Variants in RNF25 observed in about 807,000 individuals in gnomAD.
RNF25 encodes E3 ubiquitin-protein ligase RNF25.
RNF25 carries 32 observed loss-of-function variants against 65.0 expected under a neutral mutation model. That is an observed-to-expected ratio of 0.49 (90% CI 0.37 to 0.66). RNF25 has a LOEUF of 0.66. RNF25 is among the 30% of genes least tolerant of loss of function. RNF25 has a pLI of 0.00. For missense variants in RNF25, 493 were observed against 584.8 expected, an observed-to-expected ratio of 0.84 and a Z score of 1.62; for synonymous variants, 207 against 221.2, an observed-to-expected ratio of 0.94 and a Z score of 0.57.
At chr2:218,667,506 G>A (rs1939846767) in intron 5 of RNF25, among the ~76,000 whole-genome samples, 4 of 151,840 alleles carry the variant, frequency 2.6e-5, no homozygotes, top group African/African-American at 9.7e-5. Context: ...GCCCGCCACC[G>A]TGCCTGGCCA....
intron 5 of RNF25, among the ~76,000 whole-genome samples, chr2:218,667,054 G>A (rs749815896): frequency 2.0e-5 from 3 of 151,712 alleles, no homozygotes; most frequent in Admixed American, 6.6e-5. Flanking sequence ...TGTGATCCTA[G>A]CTATCTGGGA....
In RNF25 at chr2:218,665,150, C is replaced by T; in HGVS notation, c.666+5G>A. 6.2e-7 allele frequency: 1 copy of T among 1,613,934 alleles called. No individual in the cohort carries two copies. Among genetic ancestry groups the T allele is most frequent in the Non-Finnish European group, 8.5e-7 (1 of 1,179,800 alleles). On this transcript the variant is annotated splice_donor_5th_base_variant and intron_variant, in intron 8 of 9. Transcript: ENST00000295704. ...CTGGCTCAGATTGGAAAAAAGTCTC[C>T]TTACCATGGGCTGTTGGGGTTCAGG...
In RNF25 at chr2:218,666,053, CCTT is replaced by C. The variant is rs759616909; in HGVS notation, c.433_435del (p.Lys145del). 5.6e-6 allele frequency: 9 copies of C among 1,613,718 alleles called. No individual in the cohort carries two copies. The highest frequency in any genetic ancestry group is 3.3e-5 in the Admixed American group (2 of 59,988). On this transcript the variant is annotated inframe_deletion, in exon 7 of 10. Transcript: ENST00000295704. ...TAACAGGGTGTTTTGGTAAAGGCCT[CCTT>C]CTCCTAGAGGGAAGGCAGATGTAGG...
chr2:218,666,488 T>C (rs1293521681), intron 5 of RNF25, among the ~76,000 whole-genome samples: 25 of 152,236 alleles, frequency 1.6e-4, no homozygotes, highest in Non-Finnish European at 1.5e-5. Context: ...TAAGTCACTT[T>C]TAATATATCT....
At position 218,665,250 on chromosome 2, in the gene RNF25, A is replaced by G. The variant is rs1261512458; in HGVS notation, c.574-3T>C. On this transcript the variant is annotated splice_region_variant and splice_polypyrimidine_tract_variant and intron_variant, in intron 7 of 9. Coordinates refer to ENST00000295704, the MANE Select transcript of RNF25 (RefSeq NM_022453.3). ...GGACACTGCACACCGACTGCCTTCT[A>G]AAAAAGAGAAAAATCATATGCCTGT... The G allele has an allele frequency of 4.3e-6, 7 of 1,612,208 alleles. No homozygotes were observed. The highest frequency in any genetic ancestry group is 5.9e-6 in the Non-Finnish European group (7 of 1,179,040).
At chr2:218,669,428 C>T (rs375700230) in intron 1 of RNF25, among the ~76,000 whole-genome samples, 96 of 152,174 alleles carry the variant, frequency 6.3e-4, no homozygotes, top group Admixed American at 1.3e-3. Context: ...AGCTAGTCTA[C>T]GTCCTCTTTT....
chr2:218,671,897 G>A (rs980724827), intron 1 of RNF25, 33 bp downstream of exon 1: 1 of 1,613,730 alleles, frequency 6.2e-7, no homozygotes, highest in Non-Finnish European at 8.5e-7. Flanking sequence ...CTAGATCCAG[G>A]CTGTCAGCCA....
chr2:218,665,613 C>A (rs112387516), intron 7 of RNF25, among the ~76,000 whole-genome samples: 1 of 151,836 alleles, frequency 6.6e-6, no homozygotes, highest in South Asian at 2.1e-4. Context: ...CGTGGTGGCT[C>A]GCACCTATAA....
chr2:218,670,683 A>G (rs1390906860), intron 1 of RNF25, among the ~76,000 whole-genome samples: 4 of 138,740 alleles, frequency 2.9e-5, no homozygotes, highest in Non-Finnish European at 4.6e-5. Flanking sequence ...GCGACAGAGC[A>G]AGACTCCGTC....
Position 218,666,066 on chromosome 2 carries a change from G to C in RNF25, c.430-7C>G. The C allele has an allele frequency of 1.2e-6, 2 of 1,613,222 alleles. No individual in the cohort carries two copies. The highest frequency in any genetic ancestry group is 1.7e-6 in the Non-Finnish European group (2 of 1,179,284). On this transcript the variant is annotated splice_region_variant and splice_polypyrimidine_tract_variant and intron_variant, in intron 6 of 9. Transcript: ENST00000295704. ...TGGTAAAGGCCTCCTTCTCCTAGAGGGAAGGCAGATGTAGGGCACTAAGTC... is the reference window on the plus strand; with the variant it reads ...TGGTAAAGGCCTCCTTCTCCTAGAGCGAAGGCAGATGTAGGGCACTAAGTC...
chr2:218,663,927 C>G lies in RNF25; in HGVS notation c.*30G>C, dbSNP rs1311621205. 2 of 1,415,642 alleles carry G rather than the reference C, an allele frequency of 1.4e-6. No individual in the cohort carries two copies. The highest frequency in any genetic ancestry group is 1.4e-5 in the African/African-American group (1 of 69,740). The allele number at this position is 1,415,642 out of a possible 1,614,324, so 87.7% of individuals were successfully genotyped here. A position where few individuals can be genotyped will look rare whatever the true frequency, so the allele number is the denominator to read the frequency against. ...TATCTTTATTGCCTCCCTCCCATCC[C>G]CAATTCCCTGTTCCCCCCACCAAGT... On this transcript the variant is annotated 3_prime_UTR_variant, in exon 10 of 10. Coordinates refer to ENST00000295704, the MANE Select transcript of RNF25 (RefSeq NM_022453.3).
chr2:218,664,199 T>G lies in RNF25; in HGVS notation c.1138A>C (p.Lys380Gln). The change falls in exon 10 of 10, where the codon AAG becomes CAG. Residue 380 changes from lysine (K) to glutamine (Q), a missense_variant. Physicochemically the swap from Lys to Gln is moderately conservative, Grantham distance 53. Transcript: ENST00000295704. The surrounding 1 kb of genome is among the most constrained non-coding windows in gnomAD (Gnocchi z 5.1). ...QELPPPEGPL[K>Q]EPMDLKPEPH... ...TCTGGCTTTAGGTCCATGGGCTCCTTGAGGGGCCCCTCAGGAGGTGGCAGT... is the reference window on the plus strand; with the variant it reads ...TCTGGCTTTAGGTCCATGGGCTCCTGGAGGGGCCCCTCAGGAGGTGGCAGT... 1 of 1,591,754 alleles carries G rather than the reference T, an allele frequency of 6.3e-7. No individual in the cohort carries two copies. Among genetic ancestry groups the G allele is most frequent in the Non-Finnish European group, 8.5e-7 (1 of 1,170,124 alleles).
rs900945411 is a variant in RNF25 at position 218,664,228 on chromosome 2, T to G, written c.1109A>C (p.Gln370Pro). Residue 370 changes from glutamine to proline, a missense_variant, in exon 10 of 10, where the codon CAG (glutamine) becomes CCG (proline). Physicochemically the swap from Gln to Pro is moderately conservative, Grantham distance 76. Around this residue, in one of 3 missense-constraint regions of RNF25, gnomAD observed 351 missense variants for 400.2 expected, o/e 0.88. Coordinates refer to ENST00000295704, the MANE Select transcript of RNF25 (RefSeq NM_022453.3). The surrounding 1 kb of genome is among the most constrained non-coding windows in gnomAD (Gnocchi z 5.1). Reference sequence around the variant, plus strand: ...GGGCCCCTCAGGAGGTGGCAGTTCCTGGGTGTCACGGGTACCTTTAGGGGC... The same window carrying G: ...GGGCCCCTCAGGAGGTGGCAGTTCCGGGGTGTCACGGGTACCTTTAGGGGC... The part of the protein sequence containing the change: ...CHAPKGTRDT[Q>P]ELPPPEGPLK... 1 of 1,599,230 alleles carries G rather than the reference T, an allele frequency of 6.3e-7. No homozygotes were observed. The highest frequency in any genetic ancestry group is 8.5e-7 in the Non-Finnish European group (1 of 1,172,956).
chr2:218,668,399 G>T, intron 2 of RNF25, 58 bp from the exon 3 acceptor site: 8 of 1,040,476 alleles, frequency 7.7e-6, no homozygotes, highest in Non-Finnish European at 8.8e-6. Flanking sequence ...GGGGGCTGGG[G>T]AGGATGGGGC....
rs773965921 is a variant in RNF25, at chr2:218,671,981, G to A, written c.-11C>T. Reference sequence around the variant, plus strand: ...CGCAGACGCCGCCATATCTTCACCGGCCCGCAGCCGGAACCGGAAATGCCC... The same window carrying A: ...CGCAGACGCCGCCATATCTTCACCGACCCGCAGCCGGAACCGGAAATGCCC... On this transcript the variant is annotated 5_prime_UTR_variant, in exon 1 of 10. Transcript: ENST00000295704. 1 of 1,614,084 alleles carries A rather than the reference G, an allele frequency of 6.2e-7. No homozygotes were observed. Among genetic ancestry groups the A allele is most frequent in the Non-Finnish European group, 8.5e-7 (1 of 1,180,036 alleles).
chr2:218,664,935 T>C lies in RNF25; in HGVS notation c.667-62A>G. 1 of 1,601,086 alleles carries C rather than the reference T, an allele frequency of 6.2e-7. No individual in the cohort carries two copies. Among genetic ancestry groups the C allele is most frequent in the Admixed American group, 1.7e-5 (1 of 58,432 alleles). Reference sequence around the variant, plus strand: ...GCAGAAGGCTGACTCAAACCTCTACTCCTCCCAGGCTGCCTCAGGAGATCT... The same window carrying C: ...GCAGAAGGCTGACTCAAACCTCTACCCCTCCCAGGCTGCCTCAGGAGATCT... On this transcript the variant is annotated intron_variant, in intron 8 of 9. Coordinates refer to ENST00000295704, the MANE Select transcript of RNF25 (RefSeq NM_022453.3). This position sits in a 1 kb window ranked among gnomAD's most constrained non-coding sequence, Gnocchi z 5.1.
At chr2:218,671,851 G>A in intron 1 of RNF25, 79 bp downstream of exon 1, 5 of 1,527,774 alleles carry the variant, frequency 3.3e-6, no homozygotes, top group Admixed American at 1.7e-5. Flanking sequence ...CACGCCCGCC[G>A]TACGGACCGT....
At chr2:218,668,775 C>T in intron 1 of RNF25, 96 bp from the exon 2 acceptor site, 2 of 843,652 alleles carry the variant, frequency 2.4e-6, no homozygotes. Context: ...AAATGGCAAT[C>T]TACCAGAATG....
rs370011782 is a variant in RNF25, at chr2:218,664,890, C to T, written c.667-17G>A. ...GTACAGCTCCTGGAAGGAAGAATGG[C>T]AGAGAGGAAATAATGAACAGCAGAA... On this transcript the variant is annotated splice_polypyrimidine_tract_variant and intron_variant, in intron 8 of 9. Coordinates refer to ENST00000295704, the MANE Select transcript of RNF25 (RefSeq NM_022453.3). This position sits in a 1 kb window ranked among gnomAD's most constrained non-coding sequence, Gnocchi z 5.1. 2 of 1,613,828 alleles carry T rather than the reference C, an allele frequency of 1.2e-6. No individual in the cohort carries two copies. The highest frequency in any genetic ancestry group is 1.1e-5 in the South Asian group (1 of 91,066).
Sources: allele counts gnomAD v4.1 joint callset (sites outside exome capture counted in the v4.1 genomes callset), GRCh38; gene constraint gnomAD v4.1.1; regional missense constraint gnomAD v4.1.1; non-coding constraint Gnocchi (gnomAD v3.1); transcripts MANE v1.5; gene names NCBI Gene and HGNC (gene_info 2026-07-23, HGNC 2026-07-21).